Variants in IGFBP7 observed in about 807,000 individuals in gnomAD.
The protein encoded by IGFBP7 is insulin like growth factor binding protein 7.
IGFBP7 carries 31 observed loss-of-function variants against 29.4 expected under a neutral mutation model. That is an observed-to-expected ratio of 1.05 (90% CI 0.79 to 1.42). The LOEUF (loss-of-function observed/expected upper bound fraction) is 1.42. IGFBP7 is among the 40% of genes most tolerant of loss of function. IGFBP7 has a pLI of 0.00. For synonymous variants in IGFBP7, 172 were observed against 174.9 expected (o/e 0.98, Z 0.13); for missense variants, 393 against 395.5 (o/e 0.99, Z 0.05).
At chr4:57,085,471 TAAC>T (rs1725475861) in intron 1 of IGFBP7, among the ~76,000 whole-genome samples, 1 of 152,152 alleles carries the variant, frequency 6.6e-6, no homozygotes, top group Non-Finnish European at 1.5e-5. Context: ...ATTTCTGAAA[TAAC>T]AACTGAGATC....
In IGFBP7 at chr4:57,057,315, T is replaced by C. The variant is rs138814474; in HGVS notation, c.476-16382A>G. 3.1e-3 allele frequency among the ~76,000 whole-genome samples: 475 copies of C among 152,324 alleles called. 3 individuals carry two copies. Among genetic ancestry groups the C allele is most frequent in the African/African-American group, 0.011 (445 of 41,582 alleles). ...GTGAGCCAGTGCACCCATCCGTAGA[T>C]TGGGTTTTAAAGGTGAGGACATTAT... On this transcript the variant is annotated intron_variant, in intron 1 of 4. Transcript: ENST00000295666.
At chr4:57,051,571 CTAAATA>C (rs1433809434) in intron 1 of IGFBP7, among the ~76,000 whole-genome samples, 3 of 152,180 alleles carry the variant, frequency 2.0e-5, no homozygotes, top group Non-Finnish European at 2.9e-5. Context: ...TTCCTCTTCT[CTAAATA>C]TAATCTGTTG....
chr4:57,063,140 C>T (rs1396960301), intron 1 of IGFBP7, among the ~76,000 whole-genome samples: 1 of 152,158 alleles, frequency 6.6e-6, no homozygotes, highest in African/African-American at 2.4e-5. Flanking sequence ...ATTTCCCACC[C>T]CTCCGTAGCT....
chr4:57,033,112 G>A (rs561468012), intron 3 of IGFBP7, 83 bp downstream of exon 3: 553 of 926,990 alleles, frequency 6.0e-4, no homozygotes, highest in Non-Finnish European at 8.8e-4. Context: ...TTAGGCTGGC[G>A]GTACATCAGG....
intron 1 of IGFBP7, among the ~76,000 whole-genome samples, chr4:57,080,824 A>T (rs1725348270): frequency 6.6e-6 from 1 of 152,272 alleles, no homozygotes; most frequent in Non-Finnish European, 1.5e-5. Context: ...AATGAAAAGG[A>T]AAATGCTAAA....
chr4:57,048,091 G>A (rs1402385788), intron 1 of IGFBP7, among the ~76,000 whole-genome samples: 3 of 134,270 alleles, frequency 2.2e-5, no homozygotes, highest in South Asian at 2.4e-4. Flanking sequence ...TTGCTCTGTC[G>A]CCCAGTGTGG....
chr4:57,087,484 CTGTT>C (rs1329198214), intron 1 of IGFBP7, among the ~76,000 whole-genome samples: 1 of 152,156 alleles, frequency 6.6e-6, no homozygotes, highest in Non-Finnish European at 1.5e-5. Context: ...TCCTTACTAA[CTGTT>C]TGGTTCTGGC....
intron 1 of IGFBP7, among the ~76,000 whole-genome samples, chr4:57,105,847 G>A (rs913044745): frequency 2.0e-5 from 3 of 152,032 alleles, no homozygotes; most frequent in Admixed American, 6.6e-5. Flanking sequence ...AAGTCAGAAT[G>A]CTTCTCAGAG....
chr4:57,050,244 A>G (rs190431094), intron 1 of IGFBP7, among the ~76,000 whole-genome samples: 1 of 137,090 alleles, frequency 7.3e-6, no homozygotes, highest in Non-Finnish European at 1.6e-5. Flanking sequence ...TTTTTATTTA[A>G]GTTTTTTTTT....
chr4:57,044,918 T>C (rs11934925), intron 1 of IGFBP7, among the ~76,000 whole-genome samples: 55,647 of 152,018 alleles, frequency 0.37, 10,519 homozygotes, highest in East Asian at 0.51. Context: ...CTATGTTGAC[T>C]AGGCTGGTCT....
At chr4:57,055,607 C>T (rs1467466118) in intron 1 of IGFBP7, among the ~76,000 whole-genome samples, 1 of 151,484 alleles carries the variant, frequency 6.6e-6, no homozygotes, top group Non-Finnish European at 1.5e-5. Flanking sequence ...ACCAGCACCG[C>T]CACCACTTCA....
At chr4:57,106,134 C>T (rs1038247430) in intron 1 of IGFBP7, among the ~76,000 whole-genome samples, 1 of 152,140 alleles carries the variant, frequency 6.6e-6, no homozygotes, top group African/African-American at 2.4e-5. Context: ...TCTCGATCTC[C>T]TGATCTCGTG....
intron 1 of IGFBP7, among the ~76,000 whole-genome samples, chr4:57,044,564 T>C (rs1351186911): frequency 1.3e-5 from 2 of 152,208 alleles, no homozygotes; most frequent in Non-Finnish European, 2.9e-5. Flanking sequence ...TCATTTTTCC[T>C]CCCCTAAAAG....
At chr4:57,099,787 G>A (rs986725948) in intron 1 of IGFBP7, among the ~76,000 whole-genome samples, 4 of 152,276 alleles carry the variant, frequency 2.6e-5, no homozygotes, top group Middle Eastern at 6.8e-3. Flanking sequence ...CTGGAGTGCA[G>A]TGGCACAATC....
At chr4:57,044,117 C>T (rs1578611503) in intron 1 of IGFBP7, among the ~76,000 whole-genome samples, 1 of 152,206 alleles carries the variant, frequency 6.6e-6, no homozygotes. Context: ...CCAAACCACA[C>T]AAGGAATGCA....
At chr4:57,071,855 G>C (rs1338204660) in intron 1 of IGFBP7, among the ~76,000 whole-genome samples, 1 of 152,144 alleles carries the variant, frequency 6.6e-6, no homozygotes, top group African/African-American at 2.4e-5. Flanking sequence ...AATGTCCTAG[G>C]CTTGGTGCAG....
At chr4:57,054,696 A>C (rs1333163609) in intron 1 of IGFBP7, among the ~76,000 whole-genome samples, 2 of 150,520 alleles carry the variant, frequency 1.3e-5, no homozygotes, top group Non-Finnish European at 3.0e-5. Context: ...CCTGGGGAAG[A>C]GGATGTAAGA....
At chr4:57,094,261 A>G (rs1725707889) in intron 1 of IGFBP7, among the ~76,000 whole-genome samples, 3 of 152,198 alleles carry the variant, frequency 2.0e-5, no homozygotes, top group Admixed American at 2.0e-4. Context: ...TGAGGATCCA[A>G]GTAACCTTGT....
chr4:57,056,011 A>G (rs901867778), intron 1 of IGFBP7, among the ~76,000 whole-genome samples: 1 of 151,936 alleles, frequency 6.6e-6, no homozygotes, highest in Admixed American at 6.6e-5. Context: ...TTTACCCTCC[A>G]GGCCCCGGAC....
Sources: allele counts gnomAD v4.1 joint callset (sites outside exome capture counted in the v4.1 genomes callset), GRCh38; gene constraint gnomAD v4.1.1; transcripts MANE v1.5; gene names NCBI Gene and HGNC (gene_info 2026-07-23, HGNC 2026-07-21).